Variants in PCDH15 observed in about 807,000 individuals in gnomAD.
The protein encoded by PCDH15 is protocadherin-15.
A neutral mutation model predicts 178.5 loss-of-function variants in PCDH15; 129 were observed. The observed-to-expected ratio is 0.72, with a 90% CI of 0.63 to 0.84. The LOEUF (loss-of-function observed/expected upper bound fraction) is 0.84. Ranked by LOEUF, PCDH15 falls within the 40% of genes least tolerant of loss-of-function variation. PCDH15 has a pLI of 0.00. For synonymous variants in PCDH15, 800 were observed against 732.0 expected (o/e 1.09, Z -1.50); for missense variants, 2,230 against 2,099.9 (o/e 1.06, Z -1.21).
At chr10:55,021,217 C>A (rs1305422766) in intron 2 of PCDH15, among the ~76,000 whole-genome samples, 1 of 152,164 alleles carries the variant, frequency 6.6e-6, no homozygotes, top group Non-Finnish European at 1.5e-5. Context: ...TATCTTGTTA[C>A]TCTTCCACCA....
intron 2 of PCDH15, among the ~76,000 whole-genome samples, chr10:55,493,580 T>A (rs1840469632): frequency 6.6e-6 from 1 of 151,660 alleles, no homozygotes; most frequent in South Asian, 2.1e-4. Flanking sequence ...TAAATTCTAA[T>A]TGCATACATT....
intron 2 of PCDH15, among the ~76,000 whole-genome samples, chr10:55,499,124 C>T (rs1840597841): frequency 1.3e-5 from 2 of 151,714 alleles, no homozygotes; most frequent in African/African-American, 2.4e-5. Flanking sequence ...CATATGCATC[C>T]ATAGCAATCT....
chr10:54,907,510 T>G (rs184243935), intron 2 of PCDH15, among the ~76,000 whole-genome samples: 1 of 152,320 alleles, frequency 6.6e-6, no homozygotes, highest in Non-Finnish European at 1.5e-5. Flanking sequence ...AGTCTTTAGC[T>G]GTGTTTTCAC....
At chr10:55,325,805 A>C (rs1844015652) in intron 2 of PCDH15, among the ~76,000 whole-genome samples, 1 of 152,158 alleles carries the variant, frequency 6.6e-6, no homozygotes, top group Admixed American at 6.5e-5. Context: ...TAAACAGACA[A>C]CCTACAGAAT....
intron 15 of PCDH15, among the ~76,000 whole-genome samples, chr10:54,114,609 G>C (rs1333489548): frequency 1.3e-5 from 2 of 152,046 alleles, no homozygotes; most frequent in African/African-American, 4.8e-5. Context: ...AGTGCATATA[G>C]GATTACAGCA....
intron 1 of PCDH15, among the ~76,000 whole-genome samples, chr10:54,759,001 G>A (rs995482502): frequency 2.0e-4 from 30 of 151,834 alleles, no homozygotes; most frequent in Non-Finnish European, 3.2e-4. Flanking sequence ...TATCTCTATG[G>A]CATGTGACCT....
At chr10:54,925,124 G>A (rs994309589) in intron 2 of PCDH15, among the ~76,000 whole-genome samples, 11 of 152,028 alleles carry the variant, frequency 7.2e-5, no homozygotes, top group African/African-American at 2.2e-4. Flanking sequence ...TTATTTGTAT[G>A]GTGTAAGGAA....
At chr10:55,218,869 T>C (rs1393996347) in intron 1 of PCDH15, among the ~76,000 whole-genome samples, 4 of 152,050 alleles carry the variant, frequency 2.6e-5, no homozygotes, top group Non-Finnish European at 4.4e-5. Context: ...TCTTCAATTA[T>C]AAGAATTCTT....
chr10:53,818,973 CTGTT>C (rs1021933145), intron 33 of PCDH15, among the ~76,000 whole-genome samples: 6 of 151,694 alleles, frequency 4.0e-5, no homozygotes, highest in East Asian at 1.9e-4. Context: ...TATATTGAAA[CTGTT>C]TGTAAAAAAA....
intron 1 of PCDH15, among the ~76,000 whole-genome samples, chr10:55,192,390 C>T (rs987775396): frequency 3.3e-5 from 5 of 151,828 alleles, no homozygotes; most frequent in Admixed American, 1.3e-4. Flanking sequence ...ATGCCCTATA[C>T]TCCCATATAA....
chr10:54,179,480 T>C (rs2047769587), intron 13 of PCDH15, among the ~76,000 whole-genome samples: 1 of 151,150 alleles, frequency 6.6e-6, no homozygotes, highest in Non-Finnish European at 1.5e-5. Context: ...AATGACGAGT[T>C]ATTGGGTGCA....
At chr10:54,722,053 T>C (rs1941705695) in intron 1 of PCDH15, among the ~76,000 whole-genome samples, 1 of 151,820 alleles carries the variant, frequency 6.6e-6, no homozygotes, top group Non-Finnish European at 1.5e-5. Flanking sequence ...GATGTAAGGA[T>C]GGTTCAACAT....
At chr10:55,378,908 T>TCTCTCTCTCTCTCTCTCTCACACACA (rs61280428) in intron 2 of PCDH15, among the ~76,000 whole-genome samples, 1 of 148,796 alleles carries the variant, frequency 6.7e-6, no homozygotes, top group African/African-American at 2.5e-5. Flanking sequence ...TCTCTCTCTC[T>TCTCTCTCTCTCTCTCTCTCACACACA]CACATATGCC....
chr10:55,623,218 C>G (rs1245805557), intron 2 of PCDH15, among the ~76,000 whole-genome samples: 1 of 152,048 alleles, frequency 6.6e-6, no homozygotes, highest in African/African-American at 2.4e-5. Flanking sequence ...TCTGGCACTC[C>G]CAGACACAGG....
At chr10:55,515,280 G>A (rs1589100409) in intron 2 of PCDH15, among the ~76,000 whole-genome samples, 1 of 151,812 alleles carries the variant, frequency 6.6e-6, no homozygotes, top group Non-Finnish European at 1.5e-5. Flanking sequence ...CGCGTGGCCG[G>A]GGCATTGTTT....
intron 36 of PCDH15, among the ~76,000 whole-genome samples, chr10:53,811,280 A>C (rs1177284502): frequency 6.6e-6 from 1 of 152,172 alleles, no homozygotes; most frequent in African/African-American, 2.4e-5. Context: ...TTTCACATCT[A>C]TTTCCCATAT....
chr10:54,695,807 A>G (rs1239724185), intron 1 of PCDH15, among the ~76,000 whole-genome samples: 1 of 152,048 alleles, frequency 6.6e-6, no homozygotes. Flanking sequence ...CCATATATTT[A>G]CAAGATAGAT....
intron 2 of PCDH15, among the ~76,000 whole-genome samples, chr10:55,379,107 GAT>G (rs58819126): frequency 2.4e-4 from 35 of 148,308 alleles, no homozygotes; most frequent in Admixed American, 4.7e-4. Context: ...CACATACATT[GAT>G]ATATATATAT....
intron 1 of PCDH15, among the ~76,000 whole-genome samples, chr10:55,258,713 T>C (rs563328746): frequency 2.7e-4 from 41 of 151,756 alleles, no homozygotes; most frequent in Non-Finnish European, 3.2e-4. Flanking sequence ...AGAGGAGATA[T>C]TGTAACTGAC....
Sources: gnomAD v4.1 joint callset for allele counts (sites outside exome capture counted in the v4.1 genomes callset) on GRCh38, gnomAD v4.1.1 for gene constraint, MANE v1.5 for transcripts, NCBI Gene and HGNC (gene_info 2026-07-23, HGNC 2026-07-21) for gene names.